The following NRXN3 variants were observed in gnomAD, a reference collection of about 807,000 sequenced individuals.
The protein encoded by NRXN3 is neurexin III.
NRXN3 carries 32 observed loss-of-function variants against 137.6 expected under a neutral mutation model. That is an observed-to-expected ratio of 0.23 (90% CI 0.18 to 0.31). NRXN3 has a LOEUF of 0.31. Among genes scored for constraint, NRXN3 ranks in the 10% least tolerant of loss-of-function variants. The pLI, the probability that NRXN3 is intolerant of heterozygous loss-of-function variation, is 1.00. For synonymous variants in NRXN3, 798 were observed against 784.5 expected (o/e 1.02, Z -0.29); for missense variants, 1,574 against 2,062.5 (o/e 0.76, Z 4.59).
At chr14:78,484,011 CACACACACACACACACAG>C (rs1425699596) in intron 4 of NRXN3, among the ~76,000 whole-genome samples, 84 of 132,292 alleles carry the variant, frequency 6.3e-4, no homozygotes, top group South Asian at 3.0e-3. Context: ...CACACACACA[CACACACACACACACACAG>C]AGAGAGAGAG....
intron 10 of NRXN3, among the ~76,000 whole-genome samples, chr14:78,931,962 C>T (rs191750405): frequency 2.0e-5 from 3 of 152,106 alleles, no homozygotes; most frequent in Non-Finnish European, 2.9e-5. Context: ...GTCCGGCCAA[C>T]GTGGCAAAAC....
At chr14:79,010,642 A>T (rs961505996) in intron 15 of NRXN3, among the ~76,000 whole-genome samples, 1 of 152,216 alleles carries the variant, frequency 6.6e-6, no homozygotes, top group Non-Finnish European at 1.5e-5. Context: ...AATTTATAAG[A>T]AATGCTTATG....
chr14:79,376,525 G>A (rs1026294633), intron 15 of NRXN3, among the ~76,000 whole-genome samples: 6 of 151,110 alleles, frequency 4.0e-5, no homozygotes, highest in African/African-American at 1.5e-4. Context: ...CCAGCTAGCA[G>A]CTCATTACAT....
intron 6 of NRXN3, among the ~76,000 whole-genome samples, chr14:78,653,905 G>A (rs1436114297): frequency 2.6e-5 from 4 of 152,176 alleles, no homozygotes; most frequent in African/African-American, 9.7e-5. Context: ...GCACAAATAT[G>A]CATTTAAATT....
chr14:78,264,190 C>T (rs1203116177), intron 2 of NRXN3, among the ~76,000 whole-genome samples: 1 of 152,104 alleles, frequency 6.6e-6, no homozygotes, highest in Non-Finnish European at 1.5e-5. Context: ...TCTACAGCCC[C>T]TCTTGTTCAG....
At chr14:78,615,027 A>G (rs1323321460) in intron 4 of NRXN3, 1 of 456,504 alleles carries the variant, frequency 2.2e-6, no homozygotes, top group Admixed American at 2.4e-5. Context: ...CGGGATCTTG[A>G]CGAAGGTAGG....
chr14:78,841,280 G>A (rs2099011650), intron 10 of NRXN3, among the ~76,000 whole-genome samples: 1 of 151,994 alleles, frequency 6.6e-6, no homozygotes, highest in Non-Finnish European at 1.5e-5. Flanking sequence ...AGAACCAGAT[G>A]GATGATGATG....
chr14:78,753,523 A>G (rs930958444), intron 8 of NRXN3, among the ~76,000 whole-genome samples: 5 of 152,196 alleles, frequency 3.3e-5, no homozygotes, highest in Non-Finnish European at 7.3e-5. Context: ...GATTAGAGGA[A>G]AACTTCCTAT....
Position 79,661,317 on chromosome 14 carries a change from G to A in NRXN3, c.3445-2461G>A, listed in dbSNP as rs116540796. ...TTTATATTGCATATTATGTAATCAGGGCACAAAGGAAATACTGAGGTCCAC... is the reference window on the plus strand; with the variant it reads ...TTTATATTGCATATTATGTAATCAGAGCACAAAGGAAATACTGAGGTCCAC... On this transcript the variant is annotated intron_variant, in intron 16 of 20. Transcript: ENST00000335750. Among the ~76,000 whole-genome samples, 1,355 of 152,124 alleles carry A rather than the reference G, an allele frequency of 8.9e-3. 19 individuals carry two copies. Among genetic ancestry groups the A allele is most frequent in the African/African-American group, 0.031 (1,296 of 41,510 alleles).
intron 2 of NRXN3, among the ~76,000 whole-genome samples, chr14:78,269,240 C>T (rs539678844): frequency 6.6e-6 from 1 of 152,106 alleles, no homozygotes; most frequent in South Asian, 2.1e-4. Flanking sequence ...ACTGTATACA[C>T]AATGGAATAT....
chr14:79,569,630 T>TGTGTGTGTGTGTGAGA (rs775452045), intron 16 of NRXN3, among the ~76,000 whole-genome samples: 5 of 135,676 alleles, frequency 3.7e-5, no homozygotes, highest in Admixed American at 7.2e-5. Flanking sequence ...TGTGTGTGTG[T>TGTGTGTGTGTGTGAGA]GAGAGAGAGA....
At chr14:79,383,789 C>A (rs541875213) in intron 15 of NRXN3, among the ~76,000 whole-genome samples, 5 of 152,218 alleles carry the variant, frequency 3.3e-5, no homozygotes, top group African/African-American at 1.2e-4. Flanking sequence ...CCAATTGTAA[C>A]CCATCTAGAT....
intron 2 of NRXN3, among the ~76,000 whole-genome samples, chr14:78,259,585 C>T (rs978443381): frequency 3.3e-5 from 5 of 152,120 alleles, no homozygotes; most frequent in Admixed American, 6.5e-5. Flanking sequence ...AGCCCTGGCT[C>T]AGCTAGCAAT....
At chr14:79,280,530 G>A (rs2081107440) in intron 15 of NRXN3, 9 of 1,611,360 alleles carry the variant, frequency 5.6e-6, no homozygotes, top group Non-Finnish European at 7.6e-6. Context: ...TCCCTTCGAG[G>A]AGGACACGGT....
In NRXN3 at chr14:79,486,913, T is replaced by TTCTCTCTCTC. The variant is rs58861355; in HGVS notation, c.3444+19550_3444+19559dup. Among the ~76,000 whole-genome samples the TTCTCTCTCTC allele has an allele frequency of 2.1e-3, 269 of 128,490 alleles. 4 individuals carry two copies. The highest frequency in any genetic ancestry group is 0.016 in the East Asian group (57 of 3,528). 84.3% of individuals were successfully genotyped at this position (128,490 alleles called of 152,430 possible). ...CCTTCTATTAAACTCTCTTTACAGG[T>TTCTCTCTCTC]TCTCTCTCTCTCTCTCTCTCTCTCT... On this transcript the variant is annotated intron_variant, in intron 16 of 20. Transcript: ENST00000335750.
At chr14:78,816,439 ATTT>A in intron 10 of NRXN3, among the ~76,000 whole-genome samples, 1 of 152,034 alleles carries the variant, frequency 6.6e-6, no homozygotes, top group South Asian at 2.1e-4. Context: ...TCCACATCTT[ATTT>A]TTCCACTAAA....
intron 15 of NRXN3, among the ~76,000 whole-genome samples, chr14:79,133,372 G>C (rs2057813092): frequency 6.6e-6 from 1 of 151,838 alleles, no homozygotes; most frequent in Non-Finnish European, 1.5e-5. Flanking sequence ...AGACCAGACT[G>C]ACTTGAGCCC....
chr14:79,302,130 T>C (rs1309503271), intron 15 of NRXN3, among the ~76,000 whole-genome samples: 1 of 152,048 alleles, frequency 6.6e-6, no homozygotes, highest in African/African-American at 2.4e-5. Context: ...CTGTGGGTTG[T>C]AATAATAATG....
At chr14:78,318,904 A>G (rs573765754) in intron 4 of NRXN3, among the ~76,000 whole-genome samples, 3 of 152,318 alleles carry the variant, frequency 2.0e-5, no homozygotes, top group Admixed American at 2.0e-4. Flanking sequence ...GTGTCTCACA[A>G]TCTAATGTGC....
Sources: gnomAD v4.1 joint callset for allele counts (sites outside exome capture counted in the v4.1 genomes callset) on GRCh38, gnomAD v4.1.1 for gene constraint, MANE v1.5 for transcripts, NCBI Gene and HGNC (gene_info 2026-07-23, HGNC 2026-07-21) for gene names.